The following MTMR2 variants were observed in gnomAD, a reference collection of about 807,000 sequenced individuals.
MTMR2 encodes phosphatidylinositol-3,5-bisphosphate 3-phosphatase MTMR2.
MTMR2 carries 55 observed loss-of-function variants against 86.9 expected under a neutral mutation model. The ratio of observed to expected loss-of-function variants is 0.63; its 90% CI spans 0.51 to 0.79. The LOEUF (loss-of-function observed/expected upper bound fraction) is 0.79, where lower values mean the gene tolerates loss of function less well. Ranked by LOEUF, MTMR2 falls within the 30% of genes least tolerant of loss-of-function variation. The pLI, the probability that MTMR2 is intolerant of heterozygous loss-of-function variation, is 0.00. For synonymous variants in MTMR2, 241 were observed against 266.8 expected, an observed-to-expected ratio of 0.90 and a Z score of 0.94; for missense variants, 659 against 772.3, an observed-to-expected ratio of 0.85 and a Z score of 1.74.
At chr11:95,922,198 A>G (rs1411430946) in intron 1 of MTMR2, among the ~76,000 whole-genome samples, 1 of 152,202 alleles carries the variant, frequency 6.6e-6, no homozygotes, top group Non-Finnish European at 1.5e-5. Context: ...CTAAATGAAA[A>G]GACCAAAGAG....
At position 95,845,100 on chromosome 11, in the gene MTMR2, C is replaced by T. The variant is rs746601025; in HGVS notation, c.1239G>A (p.Val413=). ...ADKVESGKTS[V]VVHCSDGWDR... ...CCCAACCATCACTGCAATGCACTACCACAGACGTCTTCCCTGACTCTACCT... is the reference window on the plus strand; with the variant it reads ...CCCAACCATCACTGCAATGCACTACTACAGACGTCTTCCCTGACTCTACCT... The change falls in exon 11 of 15, where the codon GTG becomes GTA. Residue 413 remains valine, a synonymous_variant. Transcript: ENST00000346299. 3.7e-6 allele frequency: 6 copies of T among 1,613,850 alleles called. No homozygotes were observed. The Admixed American group carries it at 5.0e-5, about 13-fold the overall frequency.
chr11:95,873,440 G>A lies in MTMR2; in HGVS notation c.187-7764C>T, dbSNP rs186569078. Among the ~76,000 whole-genome samples, 1,255 of 152,242 alleles carry A rather than the reference G, an allele frequency of 8.2e-3. 10 individuals are homozygous for A. The highest frequency in any genetic ancestry group is 0.017 in the Admixed American group (255 of 15,296). Reference sequence around the variant, plus strand: ...CTGATGGTAGTTTGTATTTCTGTGGGATCGGTGGTGATCTTCCCTTTATCA... The same window carrying A: ...CTGATGGTAGTTTGTATTTCTGTGGAATCGGTGGTGATCTTCCCTTTATCA... On this transcript the variant is annotated intron_variant, in intron 2 of 14. Transcript: ENST00000346299.
At chr11:95,877,448 T>C (rs1865165218) in intron 2 of MTMR2, among the ~76,000 whole-genome samples, 2 of 149,364 alleles carry the variant, frequency 1.3e-5, no homozygotes, top group South Asian at 4.2e-4. Context: ...CCATCCATGA[T>C]TCAACAATAA....
At chr11:95,914,282 C>T in intron 1 of MTMR2, 2 of 969,658 alleles carry the variant, frequency 2.1e-6, no homozygotes, top group Non-Finnish European at 2.5e-6. Flanking sequence ...TTCTGATGAT[C>T]TTCAAATGTC....
chr11:95,854,780 T>C (rs1228753563), intron 7 of MTMR2, among the ~76,000 whole-genome samples: 2 of 151,606 alleles, frequency 1.3e-5, no homozygotes, highest in Non-Finnish European at 2.9e-5. Flanking sequence ...ATTATCTTTA[T>C]ACAGATTTTT....
chr11:95,854,604 T>G (rs1222839761), intron 7 of MTMR2, among the ~76,000 whole-genome samples: 1 of 150,926 alleles, frequency 6.6e-6, no homozygotes, highest in Non-Finnish European at 1.5e-5. Flanking sequence ...TAGCTAGGAC[T>G]TCAGGCATGC....
intron 10 of MTMR2, among the ~76,000 whole-genome samples, chr11:95,846,359 T>C (rs939567125): frequency 6.6e-6 from 1 of 152,212 alleles, no homozygotes; most frequent in Non-Finnish European, 1.5e-5. Context: ...AAGTTCCTGC[T>C]TACTGAAGTT....
chr11:95,869,795 G>A (rs544491108), intron 2 of MTMR2, among the ~76,000 whole-genome samples: 33 of 152,224 alleles, frequency 2.2e-4, no homozygotes, highest in Admixed American at 3.3e-4. Flanking sequence ...GATGCCTTCA[G>A]CAAGACAGTC....
intron 1 of MTMR2, chr11:95,907,749 C>A (rs1866338792): frequency 3.6e-6 from 1 of 278,256 alleles, no homozygotes; most frequent in Non-Finnish European, 7.2e-6. Flanking sequence ...CATAAACAGA[C>A]TGAAAATATA....
intron 12 of MTMR2, among the ~76,000 whole-genome samples, chr11:95,840,942 G>A (rs1417496044): frequency 1.3e-5 from 2 of 152,124 alleles, no homozygotes; most frequent in Non-Finnish European, 2.9e-5. Flanking sequence ...AGGGTTTCGA[G>A]ATGGTTTGAG....
intron 1 of MTMR2, among the ~76,000 whole-genome samples, chr11:95,896,785 A>G (rs1480951932): frequency 6.6e-6 from 1 of 151,474 alleles, no homozygotes; most frequent in Non-Finnish European, 1.5e-5. Flanking sequence ...TGGAGTTGTT[A>G]TTGTGTGCAT....
At chr11:95,842,232 A>G (rs1003002165) in intron 11 of MTMR2, among the ~76,000 whole-genome samples, 2 of 152,228 alleles carry the variant, frequency 1.3e-5, no homozygotes, top group Non-Finnish European at 2.9e-5. Flanking sequence ...AATATGAATT[A>G]CTACTCTGTT....
At chr11:95,853,478 C>T (rs1336835025) in intron 7 of MTMR2, among the ~76,000 whole-genome samples, 3 of 152,136 alleles carry the variant, frequency 2.0e-5, no homozygotes, top group African/African-American at 7.2e-5. Context: ...CTACCTATTG[C>T]TTTTCATATA....
chr11:95,910,354 A>G (rs1290986838), intron 1 of MTMR2, among the ~76,000 whole-genome samples: 1 of 152,152 alleles, frequency 6.6e-6, no homozygotes, highest in Non-Finnish European at 1.5e-5. Flanking sequence ...AGCAATGAAC[A>G]GAATCTAATA....
intron 2 of MTMR2, among the ~76,000 whole-genome samples, chr11:95,878,300 G>C (rs899853168): frequency 8.6e-5 from 13 of 150,698 alleles, no homozygotes; most frequent in African/African-American, 3.2e-4. Flanking sequence ...AGGGGAAAAT[G>C]AAAGAGGTGA....
Position 95,877,085 on chromosome 11 carries a change from AC to A in MTMR2, c.186+11070del, listed in dbSNP as rs1865141256. ...CAGTCTTTTTACATACTGTACTAAAACCCAGAAGAGAAAAAAAGGATTTTCT... is the reference window on the plus strand; with the variant it reads ...CAGTCTTTTTACATACTGTACTAAAACCAGAAGAGAAAAAAAGGATTTTCT... On this transcript the variant is annotated intron_variant, in intron 2 of 14. Transcript: ENST00000346299. Among the ~76,000 whole-genome samples the A allele has an allele frequency of 5.9e-5, 9 of 152,322 alleles. No homozygotes were observed. In the South Asian group the frequency reaches 1.9e-3, roughly 32 times the overall value.
At chr11:95,911,701 T>A (rs1424824591) in intron 1 of MTMR2, among the ~76,000 whole-genome samples, 1 of 152,114 alleles carries the variant, frequency 6.6e-6, no homozygotes, top group East Asian at 1.9e-4. Flanking sequence ...TGAAAACTGG[T>A]CAGATTATTA....
intron 2 of MTMR2, among the ~76,000 whole-genome samples, chr11:95,886,651 T>C (rs1318841903): frequency 6.6e-5 from 10 of 152,162 alleles, no homozygotes; most frequent in Admixed American, 3.9e-4. Flanking sequence ...AGGTAGGATA[T>C]AGGCATAAGC....
chr11:95,891,449 C>CAAA (rs35505103), intron 1 of MTMR2, among the ~76,000 whole-genome samples: 1 of 137,500 alleles, frequency 7.3e-6, no homozygotes, highest in Non-Finnish European at 1.6e-5. Flanking sequence ...AGACTCTCAC[C>CAAA]AAAAAAAAAA....
Sources: gnomAD v4.1 joint callset for allele counts (sites outside exome capture counted in the v4.1 genomes callset) on GRCh38, gnomAD v4.1.1 for gene constraint, MANE v1.5 for transcripts, NCBI Gene and HGNC (gene_info 2026-07-23, HGNC 2026-07-21) for gene names.